The following NKAIN2 variants were observed in gnomAD, a reference collection of about 807,000 sequenced individuals.
NKAIN2 encodes the protein sodium/potassium-transporting ATPase subunit beta-1-interacting protein 2.
Under a neutral mutation model 32.6 loss-of-function variants are expected in NKAIN2, and 14 were observed. The observed-to-expected ratio is 0.43, with a 90% CI of 0.28 to 0.67. The LOEUF (loss-of-function observed/expected upper bound fraction) is 0.67. Among genes scored for constraint, NKAIN2 ranks in the 30% least tolerant of loss-of-function variants. The pLI is 0.17. For synonymous variants in NKAIN2, 80 were observed against 87.2 expected (o/e 0.92, Z 0.46); for missense variants, 198 against 258.3 (o/e 0.77, Z 1.60).
chr6:123,979,641 A>G (rs1249410451), intron 1 of NKAIN2, among the ~76,000 whole-genome samples: 1 of 152,186 alleles, frequency 6.6e-6, no homozygotes, highest in East Asian at 1.9e-4. Flanking sequence ...TTAAAAAATA[A>G]AATCCCATTG....
chr6:124,130,958 C>T (rs1035224570), intron 1 of NKAIN2, among the ~76,000 whole-genome samples: 3 of 152,134 alleles, frequency 2.0e-5, no homozygotes, highest in East Asian at 1.9e-4. Context: ...TCCAACACTG[C>T]GCAGTCCTGT....
At chr6:124,446,476 A>G (rs554187081) in intron 3 of NKAIN2, among the ~76,000 whole-genome samples, 1 of 151,992 alleles carries the variant, frequency 6.6e-6, no homozygotes, top group Admixed American at 6.6e-5. Flanking sequence ...CAGAGTAGCT[A>G]AAACCACAGC....
intron 1 of NKAIN2, among the ~76,000 whole-genome samples, chr6:123,846,826 CCACA>C (rs1775110183): frequency 5.8e-5 from 7 of 121,568 alleles, no homozygotes; most frequent in Non-Finnish European, 1.3e-4. Context: ...CACGCCACCG[CCACA>C]CACACGCACG....
At chr6:124,532,157 TG>T (rs1779549446) in intron 3 of NKAIN2, among the ~76,000 whole-genome samples, 1 of 152,124 alleles carries the variant, frequency 6.6e-6, no homozygotes, top group Non-Finnish European at 1.5e-5. Flanking sequence ...GAACAAGCCG[TG>T]GAAGAAGGTG....
At chr6:123,828,120 G>T (rs1238311318) in intron 1 of NKAIN2, among the ~76,000 whole-genome samples, 1 of 152,084 alleles carries the variant, frequency 6.6e-6, no homozygotes, top group South Asian at 2.1e-4. Context: ...CATTTCCCCT[G>T]TGAAGACTTC....
chr6:124,183,645 T>G (rs1263635872), intron 1 of NKAIN2, among the ~76,000 whole-genome samples: 4 of 152,144 alleles, frequency 2.6e-5, no homozygotes, highest in African/African-American at 9.7e-5. Flanking sequence ...ATTACTGATG[T>G]AACATCCTTT....
chr6:124,644,272 A>T (rs976389957), intron 3 of NKAIN2, among the ~76,000 whole-genome samples: 2 of 152,192 alleles, frequency 1.3e-5, no homozygotes, highest in African/African-American at 2.4e-5. Flanking sequence ...TGATGAGAAC[A>T]TATAATTATG....
intron 3 of NKAIN2, among the ~76,000 whole-genome samples, chr6:124,484,983 C>A (rs994866261): frequency 2.0e-5 from 3 of 152,058 alleles, no homozygotes; most frequent in South Asian, 2.1e-4. Flanking sequence ...TGAGTGAATA[C>A]AAAATACATC....
At chr6:124,539,726 G>A (rs1406414418) in intron 3 of NKAIN2, among the ~76,000 whole-genome samples, 10 of 152,026 alleles carry the variant, frequency 6.6e-5, no homozygotes, top group Non-Finnish European at 1.3e-4. Context: ...TTGTTCATTT[G>A]TTTGTTTGTT....
intron 1 of NKAIN2, among the ~76,000 whole-genome samples, chr6:123,939,024 A>G (rs910843828): frequency 2.0e-5 from 3 of 152,080 alleles, no homozygotes; most frequent in African/African-American, 7.2e-5. Flanking sequence ...GTCAGGAGAC[A>G]TTATAGCTGT....
intron 1 of NKAIN2, among the ~76,000 whole-genome samples, chr6:123,908,862 C>T (rs1775021127): frequency 6.6e-6 from 1 of 152,132 alleles, no homozygotes; most frequent in Non-Finnish European, 1.5e-5. Context: ...TTCTAGCTCC[C>T]CATGTCATAA....
At chr6:123,943,183 G>T (rs1582819012) in intron 1 of NKAIN2, among the ~76,000 whole-genome samples, 1 of 152,000 alleles carries the variant, frequency 6.6e-6, no homozygotes, top group Non-Finnish European at 1.5e-5. Context: ...GCTTATAAAA[G>T]AACCTATGGT....
chr6:123,821,824 C>A (rs1347075816), intron 1 of NKAIN2, among the ~76,000 whole-genome samples: 1 of 152,080 alleles, frequency 6.6e-6, no homozygotes, highest in Non-Finnish European at 1.5e-5. Context: ...ATTTTAGAAT[C>A]TAAGAAGATG....
At chr6:123,822,175 A>G (rs968769439) in intron 1 of NKAIN2, among the ~76,000 whole-genome samples, 2 of 152,154 alleles carry the variant, frequency 1.3e-5, no homozygotes, top group Admixed American at 1.3e-4. Context: ...ATTTACACAA[A>G]TGCCAGAATT....
At chr6:123,831,748 C>T (rs903293009) in intron 1 of NKAIN2, among the ~76,000 whole-genome samples, 9 of 151,682 alleles carry the variant, frequency 5.9e-5, no homozygotes, top group East Asian at 3.9e-4. Flanking sequence ...CTCCGCCTCC[C>T]GGGTTCATGC....
chr6:124,319,730 T>G (rs1313402476), intron 2 of NKAIN2, among the ~76,000 whole-genome samples: 2 of 152,120 alleles, frequency 1.3e-5, no homozygotes, highest in African/African-American at 2.4e-5. Context: ...TTCATTGAAT[T>G]TGTCCCCTCA....
intron 1 of NKAIN2, among the ~76,000 whole-genome samples, chr6:124,230,568 T>C (rs1384678476): frequency 6.6e-6 from 1 of 152,158 alleles, no homozygotes; most frequent in Non-Finnish European, 1.5e-5. Flanking sequence ...TTTCATGGGA[T>C]GGGCCCAGGG....
chr6:124,271,035 G>T (rs1178995137), intron 1 of NKAIN2, among the ~76,000 whole-genome samples: 1 of 152,114 alleles, frequency 6.6e-6, no homozygotes, highest in Non-Finnish European at 1.5e-5. Flanking sequence ...TTTCCCCCAT[G>T]TTGTTCTCAT....
chr6:124,711,986 G>C (rs1218064075), intron 4 of NKAIN2, among the ~76,000 whole-genome samples: 3 of 152,096 alleles, frequency 2.0e-5, no homozygotes, highest in Non-Finnish European at 4.4e-5. Flanking sequence ...GTGATGTACA[G>C]ATGGGTTTTT....
Sources: gnomAD v4.1 joint callset for allele counts (sites outside exome capture counted in the v4.1 genomes callset) on GRCh38, gnomAD v4.1.1 for gene constraint, MANE v1.5 for transcripts, NCBI Gene and HGNC (gene_info 2026-07-23, HGNC 2026-07-21) for gene names.